FAP: variants seen among roughly 807,000 people sequenced by gnomAD.
FAP encodes prolyl endopeptidase FAP.
FAP carries 110 observed loss-of-function variants against 126.5 expected under a neutral mutation model. The ratio of observed to expected loss-of-function variants is 0.87; its 90% CI spans 0.74 to 1.02. The LOEUF is 1.02. Ranked by LOEUF, FAP falls within the 50% of genes least tolerant of loss-of-function variation. The pLI, the probability that FAP is intolerant of heterozygous loss-of-function variation, is 0.00. For missense variants in FAP, 919 were observed against 909.2 expected, an observed-to-expected ratio of 1.01 and a Z score of -0.14; for synonymous variants, 334 against 297.3, an observed-to-expected ratio of 1.12 and a Z score of -1.27.
At chr2:162,207,067 G>C (rs1342201484) in intron 12 of FAP, among the ~76,000 whole-genome samples, 2 of 152,056 alleles carry the variant, frequency 1.3e-5, no homozygotes, top group African/African-American at 2.4e-5. Flanking sequence ...CCCTATAAAT[G>C]TTACTTGAAT....
At chr2:162,210,158 T>C (rs1688868544) in intron 11 of FAP, among the ~76,000 whole-genome samples, 162 bp from the exon 12 acceptor site, 2 of 152,324 alleles carry the variant, frequency 1.3e-5, no homozygotes, top group South Asian at 2.1e-4. Context: ...AAAAATCTCA[T>C]ATAACAGCAC....
chr2:162,206,038 A>C (rs1193113876), intron 12 of FAP, among the ~76,000 whole-genome samples: 1 of 152,220 alleles, frequency 6.6e-6, no homozygotes, highest in Non-Finnish European at 1.5e-5. Context: ...GCAGAGTGTT[A>C]TGTTTTAAGA....
chr2:162,181,660 G>T (rs1687699797), intron 21 of FAP, among the ~76,000 whole-genome samples: 1 of 152,176 alleles, frequency 6.6e-6, no homozygotes, highest in South Asian at 2.1e-4. Context: ...TCCACAGCGA[G>T]TTGCATCTCT....
intron 2 of FAP, among the ~76,000 whole-genome samples, chr2:162,236,618 G>GGT (rs111605247): frequency 2.6e-5 from 3 of 114,424 alleles, no homozygotes; most frequent in African/African-American, 2.1e-4. Context: ...TGTTTTTGGT[G>GGT]GGGGGGCAGG....
intron 12 of FAP, among the ~76,000 whole-genome samples, chr2:162,205,694 G>A (rs1688673797): frequency 6.6e-6 from 1 of 151,976 alleles, no homozygotes; most frequent in East Asian, 1.9e-4. Flanking sequence ...TATATTTTTA[G>A]TAGAGATGAG....
intron 2 of FAP, among the ~76,000 whole-genome samples, chr2:162,239,834 G>A (rs1485868143): frequency 1.3e-5 from 2 of 152,172 alleles, no homozygotes; most frequent in African/African-American, 4.8e-5. Context: ...AAGCCAAGGA[G>A]GAATGGTCCA....
At chr2:162,233,088 C>T (rs1468545763) in intron 2 of FAP, among the ~76,000 whole-genome samples, 1 of 152,004 alleles carries the variant, frequency 6.6e-6, no homozygotes, top group Non-Finnish European at 1.5e-5. Context: ...CTGACTTTCA[C>T]TGGATTGTCT....
At chr2:162,203,945 T>C (rs1031091216) in intron 12 of FAP, among the ~76,000 whole-genome samples, 1 of 152,230 alleles carries the variant, frequency 6.6e-6, no homozygotes, top group African/African-American at 2.4e-5. Context: ...AAAAAATTAA[T>C]TGACTTGTCT....
intron 2 of FAP, among the ~76,000 whole-genome samples, chr2:162,236,028 G>A (rs1306720353): frequency 1.3e-5 from 2 of 152,180 alleles, no homozygotes; most frequent in African/African-American, 4.8e-5. Flanking sequence ...AAAGGGTGCT[G>A]CATTTTGTCA....
At chr2:162,188,087 G>T in intron 20 of FAP, 82 bp downstream of exon 20, 1 of 1,135,430 alleles carries the variant, frequency 8.8e-7, no homozygotes. Flanking sequence ...AAAGAATTAA[G>T]TCATGAAGAA....
chr2:162,171,736 AT>A (rs1011870461), intron 25 of FAP: 2 of 152,202 alleles, frequency 1.3e-5, no homozygotes, highest in Non-Finnish European at 2.9e-5. Context: ...GGGGATCACA[AT>A]AAAAAAGGTC....
At chr2:162,211,831 T>G (rs1223701318) in intron 11 of FAP, among the ~76,000 whole-genome samples, 1 of 152,168 alleles carries the variant, frequency 6.6e-6, no homozygotes, top group Non-Finnish European at 1.5e-5. Context: ...TTCCTTTGCC[T>G]CTTTGTTTGG....
chr2:162,210,110 T>C (rs1688864804), intron 11 of FAP, 114 bp from the exon 12 acceptor site: 12 of 782,272 alleles, frequency 1.5e-5, no homozygotes, highest in Non-Finnish European at 2.5e-5. Flanking sequence ...CCATTACTAG[T>C]CAACTAACTT....
At chr2:162,242,563 A>G (rs1448514370) in intron 2 of FAP, among the ~76,000 whole-genome samples, 1 of 152,096 alleles carries the variant, frequency 6.6e-6, no homozygotes, top group Non-Finnish European at 1.5e-5. Context: ...CACGAGACAA[A>G]CCTAATAATG....
chr2:162,178,126 C>T (rs974242609), intron 21 of FAP, among the ~76,000 whole-genome samples: 4 of 152,118 alleles, frequency 2.6e-5, no homozygotes, highest in African/African-American at 7.2e-5. Flanking sequence ...ACTTTTACAT[C>T]GTTGATCACA....
At chr2:162,212,915 G>A (rs1196306588) in intron 11 of FAP, among the ~76,000 whole-genome samples, 1 of 152,152 alleles carries the variant, frequency 6.6e-6, no homozygotes, top group Non-Finnish European at 1.5e-5. Context: ...GTTTGAGTTT[G>A]AGTAATAGAA....
At chr2:162,229,535 G>A (rs772824026) in intron 2 of FAP, among the ~76,000 whole-genome samples, 4 of 152,042 alleles carry the variant, frequency 2.6e-5, no homozygotes, top group Non-Finnish European at 5.9e-5. Flanking sequence ...TAACTGAACT[G>A]TTACAATTAA....
intron 21 of FAP, among the ~76,000 whole-genome samples, chr2:162,180,805 A>G (rs1338437438): frequency 1.3e-5 from 2 of 152,220 alleles, no homozygotes; most frequent in Admixed American, 1.3e-4. Context: ...CATGTGAGAC[A>G]TGTGGGAGAG....
intron 21 of FAP, among the ~76,000 whole-genome samples, chr2:162,181,752 C>T (rs1047762185): frequency 1.3e-5 from 2 of 152,212 alleles, no homozygotes; most frequent in Admixed American, 1.3e-4. Context: ...ACGACTTACT[C>T]ATCTTTTCAT....
Sources: gnomAD v4.1 joint callset for allele counts (sites outside exome capture counted in the v4.1 genomes callset) on GRCh38, gnomAD v4.1.1 for gene constraint, MANE v1.5 for transcripts, NCBI Gene and HGNC (gene_info 2026-07-23, HGNC 2026-07-21) for gene names.